GALNTL6: variants seen among roughly 807,000 people sequenced by gnomAD.
GALNTL6 encodes the protein polypeptide N-acetylgalactosaminyltransferase like 6.
In GALNTL6, 46 loss-of-function variants were observed where a neutral mutation model predicts 73.7. That is an observed-to-expected ratio of 0.62 (90% CI 0.49 to 0.80). The LOEUF (loss-of-function observed/expected upper bound fraction) is 0.80. Ranked by LOEUF, GALNTL6 falls within the 30% of genes least tolerant of loss-of-function variation. The pLI is 0.00. For synonymous variants in GALNTL6, 259 were observed against 263.7 expected (o/e 0.98, Z 0.17); for missense variants, 604 against 755.0 (o/e 0.80, Z 2.34).
intron 8 of GALNTL6, among the ~76,000 whole-genome samples, chr4:172,908,613 T>C (rs1040484909): frequency 4.2e-5 from 6 of 142,444 alleles, no homozygotes; most frequent in African/African-American, 1.8e-4. Context: ...AGCGTGAGTG[T>C]GTGTGTGTGT....
At chr4:172,024,664 T>C (rs1268166553) in intron 2 of GALNTL6, among the ~76,000 whole-genome samples, 2 of 151,974 alleles carry the variant, frequency 1.3e-5, no homozygotes, top group African/African-American at 4.8e-5. Context: ...GGATACATTT[T>C]TGCCATAGAA....
intron 5 of GALNTL6, among the ~76,000 whole-genome samples, chr4:172,755,525 T>C (rs1044053522): frequency 3.3e-5 from 5 of 152,212 alleles, no homozygotes; most frequent in African/African-American, 1.2e-4. Flanking sequence ...CCTTGCACAC[T>C]GCTGGTTCAC....
intron 7 of GALNTL6, among the ~76,000 whole-genome samples, chr4:172,840,681 G>T (rs982211349): frequency 6.6e-6 from 1 of 152,170 alleles, no homozygotes; most frequent in African/African-American, 2.4e-5. Flanking sequence ...AAATGCCAAT[G>T]ACACACAATA....
chr4:173,027,935 G>A (rs781435217), intron 12 of GALNTL6, among the ~76,000 whole-genome samples: 2 of 152,196 alleles, frequency 1.3e-5, no homozygotes, highest in Non-Finnish European at 2.9e-5. Context: ...TTTGGTCACT[G>A]TGAAAAGCAC....
At chr4:172,985,081 G>T (rs922171852) in intron 10 of GALNTL6, among the ~76,000 whole-genome samples, 2 of 152,232 alleles carry the variant, frequency 1.3e-5, no homozygotes, top group Middle Eastern at 3.4e-3. Flanking sequence ...CAGCCAGGGG[G>T]CTACCTGTGG....
At chr4:172,902,445 T>A (rs1746677019) in intron 8 of GALNTL6, among the ~76,000 whole-genome samples, 1 of 152,156 alleles carries the variant, frequency 6.6e-6, no homozygotes, top group Non-Finnish European at 1.5e-5. Flanking sequence ...AAAGTCTCAA[T>A]CCAGGTTGAA....
chr4:172,793,105 T>A (rs1442788764), intron 5 of GALNTL6, among the ~76,000 whole-genome samples: 2 of 152,228 alleles, frequency 1.3e-5, no homozygotes, highest in African/African-American at 4.8e-5. Flanking sequence ...ATAGTACTTA[T>A]TTGTACCACA....
At chr4:171,993,301 G>T (rs1299105318) in intron 2 of GALNTL6, among the ~76,000 whole-genome samples, 1 of 151,896 alleles carries the variant, frequency 6.6e-6, no homozygotes, top group Non-Finnish European at 1.5e-5. Flanking sequence ...AATATCTACA[G>T]GCTTATTATG....
chr4:171,915,293 C>T (rs569426730), intron 2 of GALNTL6, among the ~76,000 whole-genome samples: 62 of 152,214 alleles, frequency 4.1e-4, no homozygotes, highest in African/African-American at 1.3e-3. Context: ...TAAATAAATG[C>T]ATGGATGTAT....
At chr4:172,473,429 T>G (rs1379505006) in intron 5 of GALNTL6, among the ~76,000 whole-genome samples, 1 of 152,202 alleles carries the variant, frequency 6.6e-6, no homozygotes, top group Non-Finnish European at 1.5e-5. Context: ...TTTTGGATTC[T>G]TCTGCCATTT....
At chr4:172,853,919 C>G (rs565047980) in intron 7 of GALNTL6, among the ~76,000 whole-genome samples, 1 of 152,216 alleles carries the variant, frequency 6.6e-6, no homozygotes, top group African/African-American at 2.4e-5. Flanking sequence ...TCCTCTCCAA[C>G]TCTATGTTTT....
In GALNTL6 at chr4:172,311,630, G is replaced by A; in HGVS notation, c.264G>A (p.Gly88=). 3 of 1,604,224 alleles carry A rather than the reference G, an allele frequency of 1.9e-6. No individual in the cohort carries two copies. The highest frequency in any genetic ancestry group is 2.6e-6 in the Non-Finnish European group (3 of 1,175,692). Residue 88 remains glycine, a synonymous_variant, in exon 4 of 13, where the codon GGG becomes GGA. Transcript: ENST00000506823. ...EAMRSGKGEH[G]KPYPLTEEDH... The stretch of plus-strand genomic sequence containing the variant: ...TCCTGCTAGGGAAAGGTGAACATGG[G>A]AAACCTTACCCCCTTACTGAAGAGG...
chr4:172,827,737 G>A (rs1742342872), intron 7 of GALNTL6, among the ~76,000 whole-genome samples: 1 of 152,130 alleles, frequency 6.6e-6, no homozygotes, highest in Non-Finnish European at 1.5e-5. Flanking sequence ...TCTTGGTGGT[G>A]CACTGCCTTC....
rs534433103 is a variant in GALNTL6, at chr4:172,477,018, G to A, written c.553+128329G>A. On this transcript the variant is annotated intron_variant, in intron 5 of 12. Coordinates refer to ENST00000506823, the MANE Select transcript of GALNTL6 (RefSeq NM_001034845.3). ...CGGCTCACTGCAAGCTCCGCCTCCC[G>A]GGTTCACGCCATTCCCCTGCCTCAG... 5.1e-3 allele frequency among the ~76,000 whole-genome samples: 765 copies of A among 148,812 alleles called. 11 individuals carry two copies. Among genetic ancestry groups the A allele is most frequent in the African/African-American group, 0.018 (710 of 40,334 alleles).
chr4:172,486,912 C>T (rs1464491725), intron 5 of GALNTL6, among the ~76,000 whole-genome samples: 12 of 152,168 alleles, frequency 7.9e-5, no homozygotes, highest in Admixed American at 7.9e-4. Flanking sequence ...AAACTTGCTT[C>T]AAGCTGACTA....
chr4:172,948,572 C>T (rs1218594497), intron 9 of GALNTL6, among the ~76,000 whole-genome samples: 1 of 151,956 alleles, frequency 6.6e-6, no homozygotes, highest in Non-Finnish European at 1.5e-5. Context: ...CCTGCCTCAG[C>T]CTCCCAAGTA....
chr4:172,978,050 A>G (rs1750906129), intron 10 of GALNTL6, among the ~76,000 whole-genome samples: 1 of 152,168 alleles, frequency 6.6e-6, no homozygotes, highest in South Asian at 2.1e-4. Flanking sequence ...CATGTTGGCC[A>G]AGCTGGTCTC....
intron 10 of GALNTL6, among the ~76,000 whole-genome samples, chr4:172,992,665 G>A (rs2126458952): frequency 6.6e-6 from 1 of 152,252 alleles, no homozygotes; most frequent in African/African-American, 2.4e-5. Flanking sequence ...GGTAGCACCA[G>A]CTAATCCATC....
intron 2 of GALNTL6, among the ~76,000 whole-genome samples, chr4:171,981,741 A>G (rs1739902142): frequency 6.6e-6 from 1 of 152,138 alleles, no homozygotes; most frequent in African/African-American, 2.4e-5. Flanking sequence ...AGCTACTTTC[A>G]GTATACTTTT....
Sources: gnomAD v4.1 joint callset for allele counts (sites outside exome capture counted in the v4.1 genomes callset) on GRCh38, gnomAD v4.1.1 for gene constraint, MANE v1.5 for transcripts, NCBI Gene and HGNC (gene_info 2026-07-23, HGNC 2026-07-21) for gene names.